LATS2: variants seen among roughly 807,000 people sequenced by gnomAD.
LATS2 encodes large tumor suppressor kinase 2, also known as serine/threonine-protein kinase LATS2.
A neutral mutation model predicts 76.0 loss-of-function variants in LATS2; 24 were observed. The ratio of observed to expected loss-of-function variants is 0.32; its 90% CI spans 0.23 to 0.44. LATS2 has a LOEUF of 0.44. Ranked by LOEUF, LATS2 falls within the 20% of genes least tolerant of loss-of-function variation. The pLI is 1.00. For synonymous variants in LATS2, 692 were observed against 635.4 expected (o/e 1.09, Z -1.34); for missense variants, 1,286 against 1,481.2 (o/e 0.87, Z 2.16).
At position 20,988,926 on chromosome 13, in the gene LATS2, C is replaced by A; in HGVS notation, c.854G>T (p.Gly285Val). 1 of 1,522,248 alleles carries A rather than the reference C, an allele frequency of 6.6e-7. No individual in the cohort carries two copies. Among genetic ancestry groups the A allele is most frequent in the Non-Finnish European group, 8.8e-7 (1 of 1,138,670 alleles). The allele number at this position is 1,522,248 out of a possible 1,614,324, so 94.3% of individuals were successfully genotyped here. The change falls in exon 4 of 8, where the codon GGT becomes GTT. Residue 285 changes from glycine to valine, a missense_variant. Gly to Val is a moderately radical substitution (Grantham distance 109). This residue lies in a region of LATS2 where 710 missense variants were observed against 660.9 expected (regional missense o/e 1.07). Coordinates refer to ENST00000382592, the MANE Select transcript of LATS2 (RefSeq NM_014572.3). ...FQSKTPPETG[G>V]YASLPTKGQG... ...GCCCTTCGTGGGCAGGCTGGCGTAA[C>A]CCCCGGTCTCCGGCGGCGTCTTGCT...
chr13:21,030,715 A>G (rs1264418539), intron 2 of LATS2, among the ~76,000 whole-genome samples: 6 of 152,048 alleles, frequency 3.9e-5, no homozygotes, highest in Non-Finnish European at 8.8e-5. Context: ...ACCTATCAAT[A>G]AAGTATTGTT....
chr13:21,045,630 C>A, intron 2 of LATS2, 55 bp downstream of exon 2: 1 of 1,400,156 alleles, frequency 7.1e-7, no homozygotes, highest in Non-Finnish European at 9.8e-7. Context: ...ATTCTGACTG[C>A]CCCAGCTGTC....
At chr13:20,998,521 T>G (rs891675672) in intron 2 of LATS2, among the ~76,000 whole-genome samples, 1 of 152,022 alleles carries the variant, frequency 6.6e-6, no homozygotes, top group Non-Finnish European at 1.5e-5. Flanking sequence ...TTCAAAAGAA[T>G]CTCTGACCCA....
rs756566294 is a variant in LATS2, at chr13:20,981,069, G to A, written c.2665+397C>T. ...GTCACATAAGCACCCAGCTGCACACGGCACAACTCAGCCAGGAGCCTGAGA... is the reference window on the plus strand; with the variant it reads ...GTCACATAAGCACCCAGCTGCACACAGCACAACTCAGCCAGGAGCCTGAGA... On this transcript the variant is annotated intron_variant, in intron 6 of 7. Transcript: ENST00000382592. 3.9e-5 allele frequency among the ~76,000 whole-genome samples: 6 copies of A among 152,306 alleles called. No homozygotes were observed. The South Asian group carries it at 8.3e-4, about 21-fold the overall frequency.
chr13:21,053,871 A>T (rs1191250796), intron 1 of LATS2, among the ~76,000 whole-genome samples: 1 of 152,234 alleles, frequency 6.6e-6, no homozygotes, highest in Non-Finnish European at 1.5e-5. Context: ...CCAGCAGGCA[A>T]ATTCATAGAG....
Position 21,031,623 on chromosome 13 carries a change from G to C in LATS2, c.342+14062C>G, listed in dbSNP as rs556902823. Among the ~76,000 whole-genome samples the C allele has an allele frequency of 3.2e-4, 49 of 152,110 alleles. 1 individual carries two copies. Among genetic ancestry groups the C allele is most frequent in the African/African-American group, 1.1e-3 (46 of 41,424 alleles). On this transcript the variant is annotated intron_variant, in intron 2 of 7. Transcript: ENST00000382592. ...TTCCAGCACTTTGGGAAGTTGGGGA[G>C]GGGGAGCATGGGATCACTTGAGCCT...
rs1325620858 is a variant in LATS2, at chr13:21,007,531, GATATATATATATAGTATATAT to G, written c.343-16148_343-16128del. On this transcript the variant is annotated intron_variant, in intron 2 of 7. Coordinates refer to ENST00000382592, the MANE Select transcript of LATS2 (RefSeq NM_014572.3). ...AAGGAGTAGTTAGTCGTAGGGGATG[GATATATATATATAGTATATAT>G]ATATATATATATATATATATATATA... 1.9e-4 allele frequency among the ~76,000 whole-genome samples: 3 copies of G among 15,490 alleles called. 1 individual carries two copies. Among genetic ancestry groups the G allele is most frequent in the African/African-American group, 1.3e-3 (3 of 2,332 alleles). The allele number at this position is 15,490 out of a possible 152,430, so 10.2% of individuals were successfully genotyped here.
At position 20,988,140 on chromosome 13, in the gene LATS2, C is replaced by T. The variant is rs370604792; in HGVS notation, c.1640G>A (p.Gly547Asp). Residue 547 changes from glycine (G) to aspartate (D), a missense_variant, in exon 4 of 8, where the codon GGC becomes GAC. Gly to Asp is a moderately conservative substitution (Grantham distance 94). Transcript: ENST00000382592. ...GTCGCCGCCCTCGGGCTCGTTGGGGCCCGCACGGAGGCTCTGCTCCATGCC... is the reference window on the plus strand; with the variant it reads ...GTCGCCGCCCTCGGGCTCGTTGGGGTCCGCACGGAGGCTCTGCTCCATGCC... ...CAGMEQSLRA[G>D]PNEPEGGDKS... 1 of 1,614,184 alleles carries T rather than the reference C, an allele frequency of 6.2e-7. No homozygotes were observed. Among genetic ancestry groups the T allele is most frequent in the East Asian group, 2.2e-5 (1 of 44,874 alleles).
intron 2 of LATS2, among the ~76,000 whole-genome samples, chr13:21,026,312 T>C (rs891758080): frequency 6.7e-5 from 5 of 74,614 alleles, no homozygotes. Flanking sequence ...TATCCACTTT[T>C]TGTCACTATG....
chr13:21,044,985 C>A (rs977701206), intron 2 of LATS2, among the ~76,000 whole-genome samples: 5 of 152,070 alleles, frequency 3.3e-5, no homozygotes, highest in Non-Finnish European at 5.9e-5. Flanking sequence ...GACTGGCCTC[C>A]CAAAGTGCTG....
chr13:21,033,074 G>A (rs1326932722), intron 2 of LATS2, among the ~76,000 whole-genome samples: 1 of 151,912 alleles, frequency 6.6e-6, no homozygotes, highest in Non-Finnish European at 1.5e-5. Flanking sequence ...GGGTCAGGGA[G>A]AATCCAGGTA....
At chr13:21,038,076 A>G (rs1277546798) in intron 2 of LATS2, among the ~76,000 whole-genome samples, 1 of 152,176 alleles carries the variant, frequency 6.6e-6, no homozygotes, top group Admixed American at 6.5e-5. Flanking sequence ...ACCACACTCC[A>G]GTCTGGGTGA....
chr13:20,976,785 A>C (rs1168389004), intron 7 of LATS2, among the ~76,000 whole-genome samples: 1 of 152,208 alleles, frequency 6.6e-6, no homozygotes, highest in Non-Finnish European at 1.5e-5. Flanking sequence ...AAAAAACAAA[A>C]ACAGGAAAAT....
chr13:21,050,559 T>C lies in LATS2; in HGVS notation c.-204-4329A>G, dbSNP rs1185897231. ...ATAGCAGAAGCCTGTCAGTTGTCAT[T>C]GCTGCGTAATATCCCCTTGTATGAA... is the stretch of plus-strand genomic sequence containing the variant. On this transcript the variant is annotated intron_variant, in intron 1 of 7. Transcript: ENST00000382592. Among the ~76,000 whole-genome samples the C allele has an allele frequency of 2.6e-5, 4 of 152,244 alleles. No homozygotes were observed. The South Asian group carries it at 8.3e-4, about 31-fold the overall frequency.
chr13:21,038,592 T>C (rs527774568), intron 2 of LATS2: 2 of 152,288 alleles, frequency 1.3e-5, no homozygotes, highest in East Asian at 1.9e-4. Context: ...TGGTGGGGTA[T>C]TGGAAAGTTT....
At chr13:21,059,803 T>TA (rs925734279) in intron 1 of LATS2, among the ~76,000 whole-genome samples, 2 of 151,740 alleles carry the variant, frequency 1.3e-5, no homozygotes, top group African/African-American at 4.8e-5. Context: ...CCGTCTCTAC[T>TA]AAAAAATACA....
intron 2 of LATS2, among the ~76,000 whole-genome samples, chr13:21,008,078 G>T (rs1871430635): frequency 6.6e-6 from 1 of 151,868 alleles, no homozygotes; most frequent in African/African-American, 2.4e-5. Flanking sequence ...GTTTTAAAAG[G>T]CCCACTCTGG....
chr13:20,998,738 A>G (rs1048029604), intron 2 of LATS2, among the ~76,000 whole-genome samples: 3 of 138,310 alleles, frequency 2.2e-5, no homozygotes, highest in African/African-American at 8.1e-5. Context: ...GGCCTTGTCA[A>G]TGCGGGGCGA....
At chr13:21,051,327 G>A (rs1028870786) in intron 1 of LATS2, among the ~76,000 whole-genome samples, 4 of 152,198 alleles carry the variant, frequency 2.6e-5, no homozygotes, top group African/African-American at 9.6e-5. Flanking sequence ...AGCTCAAGAT[G>A]GGAAGGCAGA....
Sources: gnomAD v4.1 joint callset for allele counts (sites outside exome capture counted in the v4.1 genomes callset) on GRCh38, gnomAD v4.1.1 for gene constraint, gnomAD v4.1.1 regional missense constraint, MANE v1.5 for transcripts, NCBI Gene and HGNC (gene_info 2026-07-23, HGNC 2026-07-21) for gene names.